NOL4: variants seen among roughly 807,000 people sequenced by gnomAD.
The protein encoded by NOL4 is nucleolar protein 4.
In NOL4, 17 loss-of-function variants were observed where a neutral mutation model predicts 75.9. The observed-to-expected ratio is 0.22, with a 90% CI of 0.15 to 0.34. NOL4 has a LOEUF of 0.34. Among genes scored for constraint, NOL4 ranks in the 10% least tolerant of loss-of-function variants. The pLI, the probability that NOL4 is intolerant of heterozygous loss-of-function variation, is 1.00. For missense variants in NOL4, 614 were observed against 793.5 expected, an observed-to-expected ratio of 0.77 and a Z score of 2.72; for synonymous variants, 292 against 289.9, an observed-to-expected ratio of 1.01 and a Z score of -0.07.
chr18:33,915,056 A>C (rs925870734), intron 9 of NOL4, among the ~76,000 whole-genome samples: 1 of 152,134 alleles, frequency 6.6e-6, no homozygotes, highest in Non-Finnish European at 1.5e-5. Flanking sequence ...AGTGAGATGG[A>C]ACTGCAAGGA....
intron 9 of NOL4, among the ~76,000 whole-genome samples, chr18:33,901,857 T>A (rs2065766660): frequency 6.6e-6 from 1 of 152,090 alleles, no homozygotes; most frequent in South Asian, 2.1e-4. Context: ...TGGAGATTAT[T>A]TAAAAGTTGT....
chr18:34,179,567 G>A (rs1259523830), intron 1 of NOL4, among the ~76,000 whole-genome samples: 1 of 151,334 alleles, frequency 6.6e-6, no homozygotes, highest in Non-Finnish European at 1.5e-5. Context: ...ATTATAAGGT[G>A]ATACTACAAA....
rs1344570465 is a variant in NOL4, at chr18:34,044,900, C to CTATA, written c.773-25303_773-25300dup. On this transcript the variant is annotated intron_variant, in intron 5 of 10. Coordinates refer to ENST00000261592, the MANE Select transcript of NOL4 (RefSeq NM_003787.5). ...AATGCTGCCCAGTCATGGGCCAAGA[C>CTATA]TATAGTCTGTGCTTACTTTATCACA... 2.3e-4 allele frequency among the ~76,000 whole-genome samples: 35 copies of CTATA among 152,248 alleles called. 1 individual carries two copies. The highest frequency in any genetic ancestry group is 8.2e-4 in the African/African-American group (34 of 41,566).
intron 2 of NOL4, among the ~76,000 whole-genome samples, chr18:34,127,364 TA>T (rs1300527713): frequency 6.6e-6 from 1 of 151,954 alleles, no homozygotes; most frequent in Non-Finnish European, 1.5e-5. Context: ...TGATACACTT[TA>T]ATGATTAGTT....
At chr18:34,149,574 T>C (rs941822601) in intron 1 of NOL4, among the ~76,000 whole-genome samples, 15 of 151,614 alleles carry the variant, frequency 9.9e-5, no homozygotes, top group African/African-American at 3.6e-4. Flanking sequence ...ATTTAGCAAG[T>C]AAGATCTGTG....
At chr18:34,025,865 T>C (rs1225305338) in intron 5 of NOL4, among the ~76,000 whole-genome samples, 1 of 152,020 alleles carries the variant, frequency 6.6e-6, no homozygotes, top group Non-Finnish European at 1.5e-5. Context: ...AACTTAGAGG[T>C]GAATGATTAG....
At chr18:34,037,607 C>T (rs1283849219) in intron 5 of NOL4, among the ~76,000 whole-genome samples, 2 of 152,054 alleles carry the variant, frequency 1.3e-5, no homozygotes, top group Non-Finnish European at 2.9e-5. Flanking sequence ...CAAAATAAAT[C>T]TTTATATTTA....
intron 5 of NOL4, among the ~76,000 whole-genome samples, chr18:34,091,552 G>A (rs2078525093): frequency 6.6e-6 from 1 of 151,982 alleles, no homozygotes; most frequent in African/African-American, 2.4e-5. Flanking sequence ...TGGACTCCCA[G>A]ATCTTGGACT....
At chr18:33,874,697 A>G (rs2063850719) in intron 10 of NOL4, among the ~76,000 whole-genome samples, 1 of 151,980 alleles carries the variant, frequency 6.6e-6, no homozygotes, top group African/African-American at 2.4e-5. Context: ...ATGAAAAGTA[A>G]AAGGGAGGTA....
intron 9 of NOL4, among the ~76,000 whole-genome samples, chr18:33,928,360 C>T (rs1434166957): frequency 6.6e-6 from 1 of 152,098 alleles, no homozygotes; most frequent in African/African-American, 2.4e-5. Flanking sequence ...AAATTTAAAA[C>T]ATCAAATTTT....
chr18:34,171,863 C>T (rs1445973177), intron 1 of NOL4, among the ~76,000 whole-genome samples: 2 of 152,096 alleles, frequency 1.3e-5, no homozygotes, highest in Non-Finnish European at 2.9e-5. Context: ...ACTCTTAGAA[C>T]TACATTCTAG....
intron 1 of NOL4, among the ~76,000 whole-genome samples, chr18:34,135,739 C>T (rs1600694873): frequency 1.3e-5 from 2 of 149,514 alleles, no homozygotes; most frequent in Non-Finnish European, 3.0e-5. Flanking sequence ...GCAGCCCAGG[C>T]CCAGACAGCC....
At chr18:33,918,565 G>A (rs58412693) in intron 9 of NOL4, among the ~76,000 whole-genome samples, 3,924 of 152,172 alleles carry the variant, frequency 0.026, 166 homozygotes, top group African/African-American at 0.089. Flanking sequence ...ATAATTTTCT[G>A]TCTACTAAAG....
At chr18:34,033,686 T>C (rs918940411) in intron 5 of NOL4, among the ~76,000 whole-genome samples, 9 of 152,084 alleles carry the variant, frequency 5.9e-5, no homozygotes, top group East Asian at 3.9e-4. Context: ...CATTCAGATA[T>C]AGGAGGTTCT....
chr18:33,918,917 T>C (rs568815859), intron 9 of NOL4, among the ~76,000 whole-genome samples: 2 of 152,282 alleles, frequency 1.3e-5, no homozygotes, highest in African/African-American at 4.8e-5. Flanking sequence ...CTTTTGCCAC[T>C]TACTACCCTA....
At chr18:34,099,413 G>C (rs2145617831) in intron 4 of NOL4, among the ~76,000 whole-genome samples, 1 of 147,040 alleles carries the variant, frequency 6.8e-6, no homozygotes, top group East Asian at 2.0e-4. Context: ...GATTACTTCA[G>C]TGTCTCTGGA....
intron 10 of NOL4, among the ~76,000 whole-genome samples, chr18:33,881,181 T>C (rs1460926738): frequency 6.6e-6 from 1 of 151,192 alleles, no homozygotes; most frequent in African/African-American, 2.4e-5. Flanking sequence ...GTTGCTGGTG[T>C]ATAAGAATGC....
At chr18:34,201,473 T>C (rs1256397646) in intron 1 of NOL4, among the ~76,000 whole-genome samples, 1 of 151,860 alleles carries the variant, frequency 6.6e-6, no homozygotes, top group Non-Finnish European at 1.5e-5. Context: ...GTAGGAATTA[T>C]ATATCCCAAG....
chr18:34,067,423 CCA>C (rs1350712061), intron 5 of NOL4, among the ~76,000 whole-genome samples: 1 of 152,114 alleles, frequency 6.6e-6, no homozygotes, highest in African/African-American at 2.4e-5. Context: ...TGATCTGACT[CCA>C]GTCTTAAAAG....
Sources: allele counts gnomAD v4.1 joint callset (sites outside exome capture counted in the v4.1 genomes callset), GRCh38; gene constraint gnomAD v4.1.1; transcripts MANE v1.5; gene names NCBI Gene and HGNC (gene_info 2026-07-23, HGNC 2026-07-21).